Variants in LCORL observed in about 807,000 individuals in gnomAD.
LCORL encodes ligand-dependent nuclear receptor corepressor-like protein.
Under a neutral mutation model 141.8 loss-of-function variants are expected in LCORL, and 41 were observed. The observed-to-expected ratio is 0.29, with a 90% CI of 0.23 to 0.38. LCORL has a LOEUF of 0.38. LCORL is among the 10% of genes least tolerant of loss of function. The probability of loss-of-function intolerance (pLI) is 1.00; values close to 1 mark genes in which losing one functional copy is unlikely to be tolerated. For synonymous variants in LCORL, 618 were observed against 694.1 expected, an observed-to-expected ratio of 0.89 and a Z score of 1.72; for missense variants, 1,759 against 2,035.0, an observed-to-expected ratio of 0.86 and a Z score of 2.61.
intron 4 of LCORL, among the ~76,000 whole-genome samples, chr4:17,947,673 T>C (rs750401526): frequency 5.9e-5 from 9 of 151,976 alleles, no homozygotes; most frequent in Non-Finnish European, 1.0e-4. Flanking sequence ...TTTATGCAAT[T>C]ATAAATTGTC....
intron 6 of LCORL, chr4:17,883,771 A>T: frequency 6.5e-7 from 1 of 1,548,216 alleles, no homozygotes; most frequent in Non-Finnish European, 8.7e-7. Flanking sequence ...AATCTGTCAT[A>T]TTATATAACC....
chr4:17,894,652 T>C (rs1729616046), intron 5 of LCORL, among the ~76,000 whole-genome samples: 1 of 152,208 alleles, frequency 6.6e-6, no homozygotes. Context: ...TCTGCATTGA[T>C]TGTGTTGAGA....
At chr4:17,841,810 A>G (rs1467174284) in exon 8 of LCORL, 1 of 152,462 alleles carries the variant, frequency 6.6e-6, no homozygotes, top group Non-Finnish European at 1.5e-5. Context: ...ATTTTAGAAC[A>G]CATTTGAATT....
At chr4:17,976,671 C>A (rs1247541778) in intron 1 of LCORL, among the ~76,000 whole-genome samples, 1 of 152,084 alleles carries the variant, frequency 6.6e-6, no homozygotes, top group African/African-American at 2.4e-5. Flanking sequence ...GCTTAAAGAT[C>A]TACTAGCTAC....
chr4:17,930,969 T>C (rs770853169), intron 4 of LCORL, among the ~76,000 whole-genome samples: 1 of 152,224 alleles, frequency 6.6e-6, no homozygotes, highest in South Asian at 2.1e-4. Context: ...TTGGTGCTTT[T>C]ACTGAGCTTT....
At position 17,949,018 on chromosome 4, in the gene LCORL, T is replaced by C. The variant is rs143162844; in HGVS notation, c.430+12885A>G. On this transcript the variant is annotated intron_variant, in intron 4 of 7. Coordinates refer to ENST00000635767, the Ensembl canonical transcript of LCORL. ...GGGGTTTAACAGATATCTGGCTTTG[T>C]GTGTGTACTGTCCAGCAACAAAGTC... Among the ~76,000 whole-genome samples the C allele has an allele frequency of 2.6e-3, 393 of 152,164 alleles. 3 individuals are homozygous for C. The highest frequency in any genetic ancestry group is 8.8e-3 in the African/African-American group (366 of 41,554).
chr4:17,906,733 C>A (rs952571214), intron 5 of LCORL, among the ~76,000 whole-genome samples: 14 of 147,122 alleles, frequency 9.5e-5, no homozygotes, highest in Non-Finnish European at 2.1e-4. Flanking sequence ...TGTTGCCAGG[C>A]TGGAATGCAG....
At chr4:17,886,204 T>A in intron 5 of LCORL, 43 bp from the exon 6 acceptor site, 1 of 908,960 alleles carries the variant, frequency 1.1e-6, no homozygotes, top group Non-Finnish European at 1.8e-6. Flanking sequence ...TTGCAACAGA[T>A]AGGCAATCCT....
intron 6 of LCORL, chr4:17,883,621 C>G: frequency 7.2e-7 from 1 of 1,388,338 alleles, no homozygotes; most frequent in South Asian, 1.9e-5. Flanking sequence ...GTAATTCCCA[C>G]GTGTGTATAT....
At chr4:17,914,846 T>C (rs1733142864) in intron 4 of LCORL, among the ~76,000 whole-genome samples, 1 of 152,194 alleles carries the variant, frequency 6.6e-6, no homozygotes, top group African/African-American at 2.4e-5. Flanking sequence ...AAGACCTGTG[T>C]GGCTGCTGCT....
chr4:17,921,740 A>C (rs983509283), intron 4 of LCORL, among the ~76,000 whole-genome samples: 5 of 152,166 alleles, frequency 3.3e-5, no homozygotes, highest in African/African-American at 9.7e-5. Flanking sequence ...AAGGAGATTA[A>C]CATTTGAGTC....
At chr4:17,869,601 C>T (rs1156707614) in intron 7 of LCORL, among the ~76,000 whole-genome samples, 2 of 152,004 alleles carry the variant, frequency 1.3e-5, no homozygotes, top group Non-Finnish European at 2.9e-5. Flanking sequence ...TTCCTTTTTC[C>T]TAAATCTTTG....
intron 4 of LCORL, among the ~76,000 whole-genome samples, chr4:17,933,806 T>G (rs189539006): frequency 6.6e-6 from 1 of 152,216 alleles, no homozygotes; most frequent in East Asian, 1.9e-4. Flanking sequence ...AAAAGAACCC[T>G]TATGCTGGTA....
At chr4:17,927,461 G>A (rs1481296986) in intron 4 of LCORL, among the ~76,000 whole-genome samples, 1 of 152,196 alleles carries the variant, frequency 6.6e-6, no homozygotes, top group African/African-American at 2.4e-5. Context: ...GATGCATTGT[G>A]CAGAAACTGT....
chr4:17,942,312 G>A (rs752116778), intron 4 of LCORL, among the ~76,000 whole-genome samples: 1 of 152,052 alleles, frequency 6.6e-6, no homozygotes, highest in Non-Finnish European at 1.5e-5. Context: ...CTCTGGTCAT[G>A]ACAAGACCAT....
intron 1 of LCORL, among the ~76,000 whole-genome samples, chr4:17,989,298 C>G (rs1231602124): frequency 6.6e-6 from 1 of 152,194 alleles, no homozygotes; most frequent in African/African-American, 2.4e-5. Flanking sequence ...ACATACTATA[C>G]TTGTCATAGA....
At chr4:17,985,099 A>C (rs1457961347) in intron 1 of LCORL, among the ~76,000 whole-genome samples, 1 of 151,782 alleles carries the variant, frequency 6.6e-6, no homozygotes, top group African/African-American at 2.4e-5. Context: ...TTTTGTTTTA[A>C]TTTATATTTT....
chr4:17,879,357 CAT>C (rs1403169320), intron 6 of LCORL, among the ~76,000 whole-genome samples: 3 of 150,820 alleles, frequency 2.0e-5, no homozygotes, highest in East Asian at 1.9e-4. Context: ...AAATTTTAAA[CAT>C]GTGATCAAAA....
intron 1 of LCORL, among the ~76,000 whole-genome samples, chr4:17,996,455 T>A (rs1332871655): frequency 6.6e-6 from 1 of 152,106 alleles, no homozygotes; most frequent in Non-Finnish European, 1.5e-5. Context: ...AAAGTATAAC[T>A]GATTCATTAT....
Sources: gnomAD v4.1 joint callset for allele counts (sites outside exome capture counted in the v4.1 genomes callset) on GRCh38, gnomAD v4.1.1 for gene constraint, MANE v1.5 for transcripts, NCBI Gene and HGNC (gene_info 2026-07-23, HGNC 2026-07-21) for gene names.